The following CLEC16A variants were observed in gnomAD, a reference collection of about 807,000 sequenced individuals.
CLEC16A encodes C-type lectin domain containing 16A.
CLEC16A carries 51 observed loss-of-function variants against 109.5 expected under a neutral mutation model. The ratio of observed to expected loss-of-function variants is 0.47; its 90% CI spans 0.37 to 0.59. The LOEUF is 0.59. Ranked by LOEUF, CLEC16A falls within the 20% of genes least tolerant of loss-of-function variation. CLEC16A has a pLI of 0.00. For synonymous variants in CLEC16A, 673 were observed against 564.2 expected (o/e 1.19, Z -2.73); for missense variants, 1,339 against 1,394.0 (o/e 0.96, Z 0.63).
chr16:10,956,257 G>A (rs79586400), intron 1 of CLEC16A, among the ~76,000 whole-genome samples: 6,822 of 152,220 alleles, frequency 0.045, 544 homozygotes, highest in African/African-American at 0.16. Flanking sequence ...ATTATACTAG[G>A]TCTTTAAAGC....
chr16:11,141,486 G>A (rs2153066721), intron 22 of CLEC16A, among the ~76,000 whole-genome samples: 1 of 152,384 alleles, frequency 6.6e-6, no homozygotes, highest in African/African-American at 2.4e-5. Flanking sequence ...GGTGTGGGGG[G>A]CACTGGGTTG....
intron 12 of CLEC16A, among the ~76,000 whole-genome samples, chr16:11,021,648 A>G (rs1045993024): frequency 2.0e-4 from 31 of 152,340 alleles, no homozygotes; most frequent in African/African-American, 7.2e-4. Context: ...ATATTAAAAA[A>G]TTAGCCGGGC....
At chr16:11,095,373 C>T (rs1047960879) in intron 19 of CLEC16A, among the ~76,000 whole-genome samples, 4 of 152,174 alleles carry the variant, frequency 2.6e-5, no homozygotes, top group African/African-American at 9.7e-5. Flanking sequence ...GCTCCCCCCA[C>T]CTCCCCATTT....
At chr16:10,949,412 G>T (rs2041607223) in intron 1 of CLEC16A, among the ~76,000 whole-genome samples, 1 of 152,086 alleles carries the variant, frequency 6.6e-6, no homozygotes, top group Non-Finnish European at 1.5e-5. Context: ...GAGACCAACG[G>T]GGTGAGTCGT....
At chr16:11,037,561 G>A (rs1157182672) in intron 13 of CLEC16A, among the ~76,000 whole-genome samples, 6 of 152,182 alleles carry the variant, frequency 3.9e-5, no homozygotes, top group African/African-American at 4.8e-5. Flanking sequence ...CTAAGGAGAC[G>A]GAGGGGCAAT....
chr16:11,172,606 C>T (rs189192277), intron 23 of CLEC16A, among the ~76,000 whole-genome samples: 82 of 152,230 alleles, frequency 5.4e-4, no homozygotes, highest in South Asian at 1.9e-3. Context: ...AAAACAAAAA[C>T]GGCCAAGTGC....
At chr16:10,951,189 C>G (rs186792406) in intron 1 of CLEC16A, among the ~76,000 whole-genome samples, 20 of 152,306 alleles carry the variant, frequency 1.3e-4, no homozygotes, top group African/African-American at 4.3e-4. Context: ...CCAGGCATTT[C>G]AAACTCTGAA....
At chr16:11,118,850 C>G (rs533643860) in intron 19 of CLEC16A, among the ~76,000 whole-genome samples, 1 of 152,164 alleles carries the variant, frequency 6.6e-6, no homozygotes, top group Non-Finnish European at 1.5e-5. Context: ...CATTCTTCTG[C>G]GTATGGCTGT....
chr16:11,024,961 T>G, intron 13 of CLEC16A, 40 bp downstream of exon 13: 23 of 1,323,160 alleles, frequency 1.7e-5, no homozygotes, highest in Non-Finnish European at 2.5e-5. Context: ...TGCTGGGCCC[T>G]GCATACCCAT....
intron 19 of CLEC16A, 71 bp downstream of exon 19, chr16:11,061,093 C>G: frequency 7.4e-6 from 11 of 1,476,784 alleles, no homozygotes; most frequent in African/African-American, 1.4e-5. Context: ...TCTGCTGATT[C>G]ACACGCCACT....
intron 21 of CLEC16A, 107 bp downstream of exon 21, chr16:11,124,053 C>A: frequency 1.0e-6 from 1 of 995,808 alleles, no homozygotes; most frequent in Non-Finnish European, 1.5e-6. Context: ...GAAGAAGACA[C>A]GTATGATTCA....
chr16:11,141,868 G>A (rs1190805119), intron 22 of CLEC16A, among the ~76,000 whole-genome samples: 1 of 152,220 alleles, frequency 6.6e-6, no homozygotes, highest in African/African-American at 2.4e-5. Flanking sequence ...TGTGATCTCA[G>A]TAACCGCAGA....
At chr16:10,965,848 G>A (rs2042475229) in intron 3 of CLEC16A, among the ~76,000 whole-genome samples, 1 of 152,252 alleles carries the variant, frequency 6.6e-6, no homozygotes, top group Non-Finnish European at 1.5e-5. Flanking sequence ...TGGAGGCCCT[G>A]GAAAAGTCCC....
intron 13 of CLEC16A, among the ~76,000 whole-genome samples, chr16:11,034,792 A>G (rs1345510539): frequency 6.6e-6 from 1 of 152,216 alleles, no homozygotes; most frequent in Non-Finnish European, 1.5e-5. Flanking sequence ...ATAATATATT[A>G]TCCACAGTGT....
chr16:11,023,899 C>G (rs977220638), intron 12 of CLEC16A, among the ~76,000 whole-genome samples: 3 of 152,222 alleles, frequency 2.0e-5, no homozygotes, highest in Admixed American at 6.5e-5. Context: ...GCCTGTGGGC[C>G]AGACCTGTGC....
chr16:11,080,912 T>A (rs1430330704), intron 19 of CLEC16A, among the ~76,000 whole-genome samples: 1 of 152,232 alleles, frequency 6.6e-6, no homozygotes, highest in Non-Finnish European at 1.5e-5. Context: ...ATGAAATCCC[T>A]TTTGTAAGGT....
intron 20 of CLEC16A, among the ~76,000 whole-genome samples, chr16:11,121,537 C>G (rs376243206): frequency 6.6e-6 from 1 of 152,088 alleles, no homozygotes; most frequent in Non-Finnish European, 1.5e-5. Flanking sequence ...AAGTACCAAG[C>G]TGGGGCTTGG....
At chr16:11,132,747 C>G (rs555797704) in intron 22 of CLEC16A, among the ~76,000 whole-genome samples, 1 of 152,274 alleles carries the variant, frequency 6.6e-6, no homozygotes, top group African/African-American at 2.4e-5. Context: ...GGGGTGGGTA[C>G]AGGGTTGTGG....
rs529384363 is a variant in CLEC16A at position 10,980,534 on chromosome 16, G to A, written c.957+1152G>A. 2.6e-5 allele frequency among the ~76,000 whole-genome samples: 4 copies of A among 152,162 alleles called. No individual in the cohort carries two copies. The South Asian group carries it at 8.3e-4, about 32-fold the overall frequency. On this transcript the variant is annotated intron_variant, in intron 9 of 23. Transcript: ENST00000409790. ...CTTCAGCTGTTGGAGCATTGCCCGG[G>A]CAGGGTCTCCTCCAGAGAGCATGGC...
Sources: gnomAD v4.1 joint callset for allele counts (sites outside exome capture counted in the v4.1 genomes callset) on GRCh38, gnomAD v4.1.1 for gene constraint, MANE v1.5 for transcripts, NCBI Gene and HGNC (gene_info 2026-07-23, HGNC 2026-07-21) for gene names.